Variants in RBFOX1 observed in about 807,000 individuals in gnomAD.
RBFOX1 encodes the protein RNA binding protein fox-1 homolog 1.
In RBFOX1, 8 loss-of-function variants were observed where a neutral mutation model predicts 57.7. The ratio of observed to expected loss-of-function variants is 0.14; its 90% CI spans 0.08 to 0.25. The LOEUF (loss-of-function observed/expected upper bound fraction) is 0.25, where lower values mean the gene tolerates loss of function less well. RBFOX1 is among the 10% of genes least tolerant of loss of function. The pLI, the probability that RBFOX1 is intolerant of heterozygous loss-of-function variation, is 1.00. For synonymous variants in RBFOX1, 326 were observed against 222.4 expected (o/e 1.47, Z -4.15); for missense variants, 611 against 548.5 (o/e 1.11, Z -1.14).
At chr16:6,886,522 G>A (rs140052850) in intron 3 of RBFOX1, among the ~76,000 whole-genome samples, 75 of 152,120 alleles carry the variant, frequency 4.9e-4, no homozygotes, top group African/African-American at 1.6e-3. Context: ...AGAGGCCAAG[G>A]CAGGTAGATC....
intron 1 of RBFOX1, among the ~76,000 whole-genome samples, chr16:5,335,536 T>C (rs1321411129): frequency 6.6e-6 from 1 of 151,082 alleles, no homozygotes; most frequent in Non-Finnish European, 1.5e-5. Context: ...GTGTTCAGAG[T>C]TTTTCCCGTC....
Position 7,217,032 on chromosome 16 carries a change from C to CCTCCCTCCCTCT in RBFOX1, c.27+164945_27+164946insTCTCCCTCCCTC, listed in dbSNP as rs1567748652. On this transcript the variant is annotated intron_variant, in intron 4 of 15. Transcript: ENST00000550418. ...CCTTCCCTCCCTCCCTCCCTCCCTC[C>CCTCCCTCCCTCT]CTCCCTCCCTCCCTCCCTCCCTCTC... is the stretch of plus-strand genomic sequence containing the variant. 3.4e-5 allele frequency among the ~76,000 whole-genome samples: 3 copies of CCTCCCTCCCTCT among 86,994 alleles called. No individual in the cohort carries two copies. In the East Asian group the frequency reaches 1.4e-3, roughly 42 times the overall value. 57.1% of individuals were successfully genotyped at this position (86,994 alleles called of 152,430 possible). A position where few individuals can be genotyped will look rare whatever the true frequency, so the allele number is the denominator to read the frequency against.
chr16:6,982,327 C>G (rs956419281), intron 3 of RBFOX1, among the ~76,000 whole-genome samples: 5 of 152,138 alleles, frequency 3.3e-5, no homozygotes, highest in African/African-American at 7.2e-5. Flanking sequence ...AAACCCATTC[C>G]CATTGTTGGC....
At chr16:7,384,157 C>T (rs1025221830) in intron 4 of RBFOX1, among the ~76,000 whole-genome samples, 3 of 151,238 alleles carry the variant, frequency 2.0e-5, no homozygotes, top group Non-Finnish European at 4.4e-5. Flanking sequence ...GATATGTATG[C>T]TTATCTGTGC....
chr16:5,590,519 A>C (rs1424244414), intron 2 of RBFOX1, among the ~76,000 whole-genome samples: 1 of 152,122 alleles, frequency 6.6e-6, no homozygotes, highest in Non-Finnish European at 1.5e-5. Context: ...TGTCATTATG[A>C]TGAGCTTGGA....
intron 4 of RBFOX1, among the ~76,000 whole-genome samples, chr16:7,508,268 G>C (rs1043451907): frequency 6.6e-6 from 1 of 152,150 alleles, no homozygotes; most frequent in Non-Finnish European, 1.5e-5. Flanking sequence ...GTGAGCCACC[G>C]CGCCCGGCCA....
intron 3 of RBFOX1, among the ~76,000 whole-genome samples, chr16:5,606,974 C>G (rs1393791965): frequency 6.6e-6 from 1 of 152,158 alleles, no homozygotes. Context: ...TGTGTGGCCA[C>G]TGAAAGGTTT....
chr16:6,816,687 C>G (rs1432432960), intron 3 of RBFOX1, among the ~76,000 whole-genome samples: 2 of 147,346 alleles, frequency 1.4e-5, no homozygotes, highest in Non-Finnish European at 3.0e-5. Context: ...TTGCAGTGAG[C>G]TGAGACTGCA....
chr16:5,834,654 C>A (rs1241347960), intron 3 of RBFOX1, among the ~76,000 whole-genome samples: 2 of 149,866 alleles, frequency 1.3e-5, no homozygotes, highest in African/African-American at 4.9e-5. Context: ...GGGTAGTTAA[C>A]CAGTAGTGGG....
rs139980373 is a variant in RBFOX1, at chr16:5,722,142, A to T, written c.318+123181A>T. 3.9e-3 allele frequency among the ~76,000 whole-genome samples: 590 copies of T among 152,326 alleles called. 2 individuals are homozygous for T. Among genetic ancestry groups the T allele is most frequent in the African/African-American group, 0.012 (516 of 41,568 alleles). ...CCTGTCTTTCCCACAGTTACAATGG[A>T]TAATATTACCAAGTCCTATAAAATG... On this transcript the variant is annotated intron_variant, in intron 3 of 19. Coordinates refer to the RBFOX1 transcript ENST00000641259.
At chr16:7,560,166 C>T (rs1265752661) in intron 5 of RBFOX1, among the ~76,000 whole-genome samples, 2 of 152,218 alleles carry the variant, frequency 1.3e-5, no homozygotes, top group Non-Finnish European at 2.9e-5. Context: ...AATCTCTCTA[C>T]ATCTCCAACC....
At chr16:7,355,738 A>C (rs754317845) in intron 4 of RBFOX1, among the ~76,000 whole-genome samples, 3 of 152,174 alleles carry the variant, frequency 2.0e-5, no homozygotes, top group Non-Finnish European at 2.9e-5. Context: ...ACACACAAAA[A>C]AGGGTATGAT....
At chr16:6,465,373 C>T (rs1398654629) in intron 2 of RBFOX1, among the ~76,000 whole-genome samples, 1 of 152,060 alleles carries the variant, frequency 6.6e-6, no homozygotes, top group Non-Finnish European at 1.5e-5. Flanking sequence ...TAGGGTAAAC[C>T]TGTAAGAGTC....
chr16:6,858,272 G>A (rs1310343318), intron 3 of RBFOX1, among the ~76,000 whole-genome samples: 1 of 152,184 alleles, frequency 6.6e-6, no homozygotes, highest in East Asian at 1.9e-4. Context: ...TGTAGGGAAT[G>A]TTTCAGAGGT....
intron 2 of RBFOX1, among the ~76,000 whole-genome samples, chr16:6,579,796 G>T (rs991840184): frequency 2.6e-5 from 4 of 152,020 alleles, no homozygotes; most frequent in African/African-American, 9.7e-5. Flanking sequence ...ATGTTGCCCA[G>T]GGTGGTCTCA....
chr16:5,971,596 G>C (rs2059962953), intron 4 of RBFOX1, among the ~76,000 whole-genome samples: 1 of 152,156 alleles, frequency 6.6e-6, no homozygotes, highest in African/African-American at 2.4e-5. Flanking sequence ...TGTGGTCTTG[G>C]ATAACTAATT....
intron 3 of RBFOX1, among the ~76,000 whole-genome samples, chr16:6,692,858 ATCATCACCATCC>A (rs1458446848): frequency 6.6e-6 from 1 of 151,998 alleles, no homozygotes; most frequent in East Asian, 1.9e-4. Flanking sequence ...CACCACCATC[ATCATCACCATCC>A]TCATCCATTA....
At chr16:7,348,500 T>C (rs546587710) in intron 4 of RBFOX1, among the ~76,000 whole-genome samples, 1 of 152,294 alleles carries the variant, frequency 6.6e-6, no homozygotes, top group South Asian at 2.1e-4. Context: ...GCCCCTTTGC[T>C]CTTATCCCTC....
At chr16:7,134,625 C>G (rs2071408394) in intron 4 of RBFOX1, among the ~76,000 whole-genome samples, 1 of 152,160 alleles carries the variant, frequency 6.6e-6, no homozygotes, top group African/African-American at 2.4e-5. Context: ...TGCCCACATC[C>G]AGAAAATGAT....
Sources: allele counts gnomAD v4.1 joint callset (sites outside exome capture counted in the v4.1 genomes callset), GRCh38; gene constraint gnomAD v4.1.1; transcripts MANE v1.5; gene names NCBI Gene and HGNC (gene_info 2026-07-23, HGNC 2026-07-21).